The following SPRED2 variants were observed in gnomAD, a reference collection of about 807,000 sequenced individuals.
SPRED2 encodes sprouty-related, EVH1 domain-containing protein 2.
In SPRED2, 47 loss-of-function variants were observed where a neutral mutation model predicts 43.0. The ratio of observed to expected loss-of-function variants is 1.09; its 90% CI spans 0.87 to 1.40. The LOEUF (loss-of-function observed/expected upper bound fraction) is 1.40. Among genes scored for constraint, SPRED2 ranks in the 40% most tolerant of loss-of-function variants. SPRED2 has a pLI of 0.00. For synonymous variants in SPRED2, 225 were observed against 225.7 expected, an observed-to-expected ratio of 1.00 and a Z score of 0.03; for missense variants, 561 against 586.4, an observed-to-expected ratio of 0.96 and a Z score of 0.45.
chr2:65,359,588 C>T (rs1674746901), intron 1 of SPRED2, among the ~76,000 whole-genome samples: 1 of 152,158 alleles, frequency 6.6e-6, no homozygotes, highest in Non-Finnish European at 1.5e-5. Context: ...AACATGTTTG[C>T]AGCAGGGAGC....
At chr2:65,315,658 A>ATATTTATT (rs776856006) in intron 5 of SPRED2, among the ~76,000 whole-genome samples, 1 of 152,158 alleles carries the variant, frequency 6.6e-6, no homozygotes, top group Non-Finnish European at 1.5e-5. Context: ...GCATAATGTG[A>ATATTTATT]TATTTATTTA....
chr2:65,401,864 A>C (rs1172739378), intron 1 of SPRED2, among the ~76,000 whole-genome samples: 1 of 151,568 alleles, frequency 6.6e-6, no homozygotes, highest in Non-Finnish European at 1.5e-5. Context: ...TCAATATTTT[A>C]GTTAACTATA....
intron 1 of SPRED2, among the ~76,000 whole-genome samples, chr2:65,425,971 C>T (rs974228428): frequency 1.3e-5 from 2 of 152,150 alleles, no homozygotes; most frequent in Admixed American, 6.5e-5. Flanking sequence ...TGTGTTCAGC[C>T]GGCAATACAA....
At chr2:65,377,426 T>A (rs758486838) in intron 1 of SPRED2, among the ~76,000 whole-genome samples, 1 of 152,202 alleles carries the variant, frequency 6.6e-6, no homozygotes, top group Non-Finnish European at 1.5e-5. Flanking sequence ...ACAGTTTGAT[T>A]ATTTAGGCTG....
intron 2 of SPRED2, among the ~76,000 whole-genome samples, chr2:65,337,161 G>A (rs1241575805): frequency 2.6e-5 from 4 of 152,074 alleles, no homozygotes. Context: ...ATTAAGTGAG[G>A]GGGGAAATCA....
chr2:65,322,266 C>CTATATA (rs1558649699), intron 4 of SPRED2, among the ~76,000 whole-genome samples: 3 of 44,550 alleles, frequency 6.7e-5, no homozygotes, highest in African/African-American at 1.3e-4. Context: ...CTCTCTCTCT[C>CTATATA]TCTCTATATA....
intron 1 of SPRED2, among the ~76,000 whole-genome samples, chr2:65,356,687 G>A (rs1360674430): frequency 6.6e-6 from 1 of 151,732 alleles, no homozygotes; most frequent in Non-Finnish European, 1.5e-5. Flanking sequence ...TTACAAGCCA[G>A]CCCTTAATAA....
At chr2:65,417,769 G>A (rs1676322375) in intron 1 of SPRED2, among the ~76,000 whole-genome samples, 1 of 152,174 alleles carries the variant, frequency 6.6e-6, no homozygotes, top group South Asian at 2.1e-4. Flanking sequence ...GTAAAAAAGA[G>A]GGAGCTGAGC....
rs1673099828 is a variant in SPRED2, at chr2:65,312,597, C to T, written c.*904G>A. ...GCAAAATTTCTTACTTCACTAGTAT[C>T]CTATTCTAATATTGCTAAATTTTTA... is the stretch of plus-strand genomic sequence containing the variant. On this transcript the variant is annotated 3_prime_UTR_variant, in exon 6 of 6. Coordinates refer to ENST00000356388, the MANE Select transcript of SPRED2 (RefSeq NM_181784.3). The T allele has an allele frequency of 5.1e-6, 5 of 985,732 alleles. No individual in the cohort carries two copies. The highest frequency in any genetic ancestry group is 5.2e-4 in the Middle Eastern group (1 of 1,914). The allele number at this position is 985,732 out of a possible 1,614,324, so 61.1% of individuals were successfully genotyped here. A position where few individuals can be genotyped will look rare whatever the true frequency, so the allele number is the denominator to read the frequency against.
At chr2:65,338,649 G>A (rs1246008610) in intron 2 of SPRED2, among the ~76,000 whole-genome samples, 6 of 151,450 alleles carry the variant, frequency 4.0e-5, no homozygotes, top group East Asian at 3.9e-4. Flanking sequence ...GGCTCGCTAC[G>A]GCCTCCACCT....
chr2:65,416,580 G>A (rs552826859), intron 1 of SPRED2, among the ~76,000 whole-genome samples: 5 of 152,154 alleles, frequency 3.3e-5, no homozygotes, highest in East Asian at 1.9e-4. Flanking sequence ...CAGAGGGGAG[G>A]GGGGTCGCTG....
chr2:65,335,971 G>A (rs1673955291), intron 2 of SPRED2, among the ~76,000 whole-genome samples: 1 of 152,182 alleles, frequency 6.6e-6, no homozygotes, highest in Admixed American at 6.5e-5. Context: ...TAGACTAAAT[G>A]AAGGACAAGA....
At chr2:65,367,294 A>G (rs1675001829) in intron 1 of SPRED2, among the ~76,000 whole-genome samples, 1 of 152,162 alleles carries the variant, frequency 6.6e-6, no homozygotes, top group Non-Finnish European at 1.5e-5. Context: ...GTAAAATGAT[A>G]TGATATCTGG....
intron 1 of SPRED2, among the ~76,000 whole-genome samples, chr2:65,388,245 C>A (rs1675548092): frequency 6.6e-6 from 1 of 152,216 alleles, no homozygotes; most frequent in South Asian, 2.1e-4. Flanking sequence ...AAAGTTCAAC[C>A]TGAGTGAATC....
intron 4 of SPRED2, among the ~76,000 whole-genome samples, chr2:65,319,785 C>A (rs1209881365): frequency 6.6e-6 from 1 of 152,174 alleles, no homozygotes; most frequent in East Asian, 1.9e-4. Flanking sequence ...AGGTAAAACA[C>A]TATCTCCATG....
intron 1 of SPRED2, among the ~76,000 whole-genome samples, chr2:65,419,464 C>A (rs901955142): frequency 2.6e-5 from 4 of 152,204 alleles, no homozygotes; most frequent in Non-Finnish European, 4.4e-5. Flanking sequence ...AGAGTGCCCA[C>A]ACTTACGTTC....
In SPRED2 at chr2:65,314,258, G is replaced by A. The variant is rs565302482; in HGVS notation, c.589-89C>T. On this transcript the variant is annotated intron_variant, in intron 5 of 5. Transcript: ENST00000356388. ...CACCCCACCTTCTCCCTCCCTAGCC[G>A]TCCAAAATGCACCTTTCTCGATAAC... 89 of 1,278,080 alleles carry A rather than the reference G, an allele frequency of 7.0e-5. 2 individuals are homozygous for A. Among genetic ancestry groups the A allele is most frequent in the South Asian group, 5.6e-4 (37 of 65,496 alleles). 79.2% of individuals were successfully genotyped at this position (1,278,080 alleles called of 1,614,324 possible).
At chr2:65,319,505 G>A (rs774193012) in intron 4 of SPRED2, among the ~76,000 whole-genome samples, 2 of 152,188 alleles carry the variant, frequency 1.3e-5, no homozygotes, top group Non-Finnish European at 2.9e-5. Context: ...ACTCGAGGAT[G>A]TCCCAATGAT....
At chr2:65,388,655 G>A (rs867728317) in intron 1 of SPRED2, among the ~76,000 whole-genome samples, 1 of 152,016 alleles carries the variant, frequency 6.6e-6, no homozygotes, top group Non-Finnish European at 1.5e-5. Flanking sequence ...TTCCAGGGCA[G>A]ACAAAGGACC....
Sources: gnomAD v4.1 joint callset for allele counts (sites outside exome capture counted in the v4.1 genomes callset) on GRCh38, gnomAD v4.1.1 for gene constraint, MANE v1.5 for transcripts, NCBI Gene and HGNC (gene_info 2026-07-23, HGNC 2026-07-21) for gene names.